NR3C2: variants seen among roughly 807,000 people sequenced by gnomAD.
NR3C2 encodes nuclear receptor subfamily 3 group C member 2.
In NR3C2, 15 loss-of-function variants were observed where a neutral mutation model predicts 86.4. That is an observed-to-expected ratio of 0.17 (90% confidence interval 0.12 to 0.27). NR3C2 has a LOEUF of 0.27. Ranked by LOEUF, NR3C2 falls within the 10% of genes least tolerant of loss-of-function variation. The pLI, the probability that NR3C2 is intolerant of heterozygous loss-of-function variation, is 1.00. For missense variants in NR3C2, 960 were observed against 1,195.6 expected (o/e 0.80, Z 2.91); for synonymous variants, 458 against 450.5 (o/e 1.02, Z -0.21).
rs1240818723 is a variant in NR3C2, at chr4:148,177,986, T to C, written c.2014+16760A>G. On this transcript the variant is annotated intron_variant, in intron 4 of 8. Transcript: ENST00000358102. ...TATGCTTCATTTATGCTTTTCTGTC[T>C]TGTTTTGGTTCGTGTGTTTTCAAAG... is the stretch of plus-strand genomic sequence containing the variant. Among the ~76,000 whole-genome samples the C allele has an allele frequency of 2.0e-5, 3 of 152,242 alleles. No homozygotes were observed. The East Asian group carries it at 5.8e-4, about 29-fold the overall frequency.
At chr4:148,411,707 CATCA>C (rs763063056) in intron 2 of NR3C2, among the ~76,000 whole-genome samples, 8 of 152,222 alleles carry the variant, frequency 5.3e-5, no homozygotes, top group Non-Finnish European at 1.0e-4. Flanking sequence ...GACAATGTCA[CATCA>C]AAAGATACTT....
chr4:148,340,331 A>T (rs1228714070), intron 2 of NR3C2, among the ~76,000 whole-genome samples: 2 of 152,162 alleles, frequency 1.3e-5, no homozygotes, highest in Non-Finnish European at 2.9e-5. Flanking sequence ...CCAATGAAAA[A>T]GAATAGAGCT....
chr4:148,145,530 T>C (rs1270426786), intron 6 of NR3C2, among the ~76,000 whole-genome samples: 9 of 152,238 alleles, frequency 5.9e-5, no homozygotes, highest in Admixed American at 3.9e-4. Context: ...TCCTGCTGTG[T>C]AACATTTGCC....
At chr4:148,293,282 T>C (rs1002397979) in intron 2 of NR3C2, among the ~76,000 whole-genome samples, 5 of 152,142 alleles carry the variant, frequency 3.3e-5, no homozygotes, top group Admixed American at 1.3e-4. Flanking sequence ...GAAGATGAAA[T>C]TTCTCACTTG....
chr4:148,174,120 A>G (rs575422937), intron 4 of NR3C2, among the ~76,000 whole-genome samples: 1 of 152,344 alleles, frequency 6.6e-6, no homozygotes, highest in South Asian at 2.1e-4. Context: ...AAAATAAGTC[A>G]AATGATTTGA....
chr4:148,400,660 T>C (rs1295424873), intron 2 of NR3C2, among the ~76,000 whole-genome samples: 3 of 151,308 alleles, frequency 2.0e-5, no homozygotes, highest in African/African-American at 4.9e-5. Flanking sequence ...ATGCCTGTAG[T>C]CCCAGCTACT....
rs1466503883 is a variant in NR3C2 at position 148,436,601 on chromosome 4, T to C, written c.260A>G (p.Asp87Gly). 1.2e-6 allele frequency: 2 copies of C among 1,614,084 alleles called. No individual in the cohort carries two copies. Among genetic ancestry groups the C allele is most frequent in the Non-Finnish European group, 1.7e-6 (2 of 1,180,052 alleles). Reference protein sequence around the residue: ...DNNRPGILTSDIKTELESKEL... With the variant: ...DNNRPGILTSGIKTELESKEL... Reference sequence around the variant, plus strand: ...CTTAGATTCCAGCTCAGTTTTAATATCAGATGTTAAAATCCCAGGCCGATT... The same window carrying C: ...CTTAGATTCCAGCTCAGTTTTAATACCAGATGTTAAAATCCCAGGCCGATT... The change falls in exon 2 of 9, where the codon GAT becomes GGT. Residue 87 changes from aspartate (D) to glycine (G), a missense_variant. Transcript: ENST00000358102.
intron 2 of NR3C2, among the ~76,000 whole-genome samples, chr4:148,348,127 T>A (rs1271478726): frequency 6.6e-6 from 1 of 152,106 alleles, no homozygotes; most frequent in Admixed American, 6.6e-5. Flanking sequence ...TCCTTCCCTC[T>A]GGAGAATTTG....
At chr4:148,296,589 A>C (rs1050522945) in intron 2 of NR3C2, among the ~76,000 whole-genome samples, 8 of 152,112 alleles carry the variant, frequency 5.3e-5, no homozygotes, top group South Asian at 2.1e-4. Flanking sequence ...CCAATTAAAA[A>C]AAAAAAAAGC....
chr4:148,363,877 T>C (rs1745978679), intron 2 of NR3C2, among the ~76,000 whole-genome samples: 1 of 152,186 alleles, frequency 6.6e-6, no homozygotes, highest in African/African-American at 2.4e-5. Context: ...GCTCAAACTG[T>C]ATTCAGTCTC....
At chr4:148,090,284 T>G (rs746701991) in intron 8 of NR3C2, among the ~76,000 whole-genome samples, 10 of 152,138 alleles carry the variant, frequency 6.6e-5, no homozygotes, top group Non-Finnish European at 1.2e-4. Flanking sequence ...GAGGTGCAGT[T>G]CAGAGGGGCT....
chr4:148,408,231 A>G (rs988472939), intron 2 of NR3C2, among the ~76,000 whole-genome samples: 5 of 152,216 alleles, frequency 3.3e-5, no homozygotes, highest in African/African-American at 1.2e-4. Flanking sequence ...GGGGTGTTAC[A>G]TGTCACAGAG....
intron 6 of NR3C2, among the ~76,000 whole-genome samples, chr4:148,136,582 C>T (rs1440501353): frequency 2.0e-5 from 3 of 152,200 alleles, no homozygotes; most frequent in Non-Finnish European, 2.9e-5. Context: ...GGGAGGACAG[C>T]ATGGCCTTTC....
intron 7 of NR3C2, among the ~76,000 whole-genome samples, chr4:148,118,385 A>G (rs1477704102): frequency 6.6e-6 from 1 of 151,094 alleles, no homozygotes. Context: ...GAAAACTCTC[A>G]CCTCGTGGCT....
At chr4:148,112,103 C>T (rs1732071130) in intron 8 of NR3C2, among the ~76,000 whole-genome samples, 1 of 151,992 alleles carries the variant, frequency 6.6e-6, no homozygotes, top group Non-Finnish European at 1.5e-5. Context: ...CTATCTATGC[C>T]AAGCACTGTG....
In NR3C2 at chr4:148,430,375, C is replaced by A. The variant is rs932003100; in HGVS notation, c.1757+4729G>T. Among the ~76,000 whole-genome samples the A allele has an allele frequency of 2.6e-5, 4 of 151,972 alleles. No individual in the cohort carries two copies. The South Asian group carries it at 8.3e-4, about 31-fold the overall frequency. ...TTGTGATGTTTAAAAATGAAACTCA[C>A]AAAAGTACACTGTACATAGTGATTT... On this transcript the variant is annotated intron_variant, in intron 2 of 8. Transcript: ENST00000358102.
intron 2 of NR3C2, among the ~76,000 whole-genome samples, chr4:148,279,367 G>C (rs1322036092): frequency 6.6e-6 from 1 of 152,132 alleles, no homozygotes; most frequent in East Asian, 1.9e-4. Context: ...CTTGGTGGAG[G>C]ACAGAACACT....
chr4:148,377,800 T>C (rs1035474101), intron 2 of NR3C2, among the ~76,000 whole-genome samples: 2 of 152,160 alleles, frequency 1.3e-5, no homozygotes, highest in Non-Finnish European at 2.9e-5. Context: ...CTGTTTCCAT[T>C]GTTCTGTTCC....
chr4:148,411,084 T>A (rs917314834), intron 2 of NR3C2, among the ~76,000 whole-genome samples: 5 of 152,214 alleles, frequency 3.3e-5, no homozygotes, highest in Non-Finnish European at 5.9e-5. Flanking sequence ...TAGCAAGAGC[T>A]TAATGTCTTT....
Sources: gnomAD v4.1 joint callset for allele counts (sites outside exome capture counted in the v4.1 genomes callset) on GRCh38, gnomAD v4.1.1 for gene constraint, MANE v1.5 for transcripts, NCBI Gene and HGNC (gene_info 2026-07-23, HGNC 2026-07-21) for gene names.